Variants in ASPH observed in about 807,000 individuals in gnomAD.
ASPH encodes the protein aspartyl/asparaginyl beta-hydroxylase.
Under a neutral mutation model 118.4 loss-of-function variants are expected in ASPH, and 100 were observed. The ratio of observed to expected loss-of-function variants is 0.84; its 90% CI spans 0.72 to 1.00. The LOEUF (loss-of-function observed/expected upper bound fraction) is 1.00, where lower values mean the gene tolerates loss of function less well. Among genes scored for constraint, ASPH ranks in the 50% least tolerant of loss-of-function variants. The pLI, the probability that ASPH is intolerant of heterozygous loss-of-function variation, is 0.00. For missense variants in ASPH, 920 were observed against 919.5 expected, an observed-to-expected ratio of 1.00 and a Z score of -0.01; for synonymous variants, 315 against 325.6, an observed-to-expected ratio of 0.97 and a Z score of 0.35.
intron 24 of ASPH, among the ~76,000 whole-genome samples, chr8:61,512,805 T>G (rs1206772716): frequency 6.6e-6 from 1 of 152,182 alleles, no homozygotes; most frequent in African/African-American, 2.4e-5. Flanking sequence ...ACAATGTATA[T>G]TATTACTATC....
intron 13 of ASPH, chr8:61,624,588 A>T: frequency 1.0e-6 from 1 of 984,338 alleles, no homozygotes; most frequent in Non-Finnish European, 1.2e-6. Context: ...AGACATTTAC[A>T]TTATTTTTAG....
At chr8:61,608,083 C>T (rs1215884310) in intron 14 of ASPH, among the ~76,000 whole-genome samples, 1 of 152,150 alleles carries the variant, frequency 6.6e-6, no homozygotes, top group Non-Finnish European at 1.5e-5. Flanking sequence ...AAAGGCTCAC[C>T]TTTCTTCTAG....
intron 21 of ASPH, among the ~76,000 whole-genome samples, chr8:61,533,104 C>CTT (rs71559337): frequency 2.7e-4 from 38 of 141,860 alleles, no homozygotes; most frequent in South Asian, 4.5e-4. Context: ...ATTTCTTCTT[C>CTT]TTTTTTTTTT....
intron 21 of ASPH, among the ~76,000 whole-genome samples, chr8:61,527,619 A>AT (rs1165592305): frequency 6.6e-6 from 1 of 152,202 alleles, no homozygotes; most frequent in Non-Finnish European, 1.5e-5. Context: ...GGAGAACTTT[A>AT]TTTTTCAAAA....
At chr8:61,580,697 C>T (rs549504355) in intron 15 of ASPH, among the ~76,000 whole-genome samples, 2 of 152,272 alleles carry the variant, frequency 1.3e-5, no homozygotes, top group South Asian at 4.1e-4. Flanking sequence ...CTCCAATATC[C>T]AATTCTGTCT....
chr8:61,698,980 C>T (rs56225427), intron 1 of ASPH, among the ~76,000 whole-genome samples: 26,209 of 152,128 alleles, frequency 0.17, 2,222 homozygotes, highest in South Asian at 0.22. Flanking sequence ...GTGGGGTCTC[C>T]AGATCCCAGG....
chr8:61,578,286 C>T (rs7831668), intron 15 of ASPH: 1,366,908 of 1,582,196 alleles, frequency 0.86, 592,625 homozygotes, highest in African/African-American at 0.91. Context: ...CTTCAGCAGC[C>T]GCTCCTACAC....
At chr8:61,694,628 TTA>T (rs1252510506) in intron 1 of ASPH, among the ~76,000 whole-genome samples, 5 of 152,198 alleles carry the variant, frequency 3.3e-5, no homozygotes, top group Admixed American at 2.6e-4. Flanking sequence ...TAACACCTCT[TTA>T]AACTTCGTAG....
chr8:61,663,896 T>A, intron 3 of ASPH: 1 of 933,220 alleles, frequency 1.1e-6, no homozygotes, highest in Non-Finnish European at 1.3e-6. Context: ...TTTAGAAATA[T>A]TTACACTTAA....
intron 21 of ASPH, among the ~76,000 whole-genome samples, chr8:61,535,829 G>A (rs6988206): frequency 0.022 from 3,379 of 152,166 alleles, 51 homozygotes; most frequent in South Asian, 0.065. Flanking sequence ...AGGATGGCGG[G>A]GATCCCCCTG....
chr8:61,612,598 G>A (rs1035772158), intron 14 of ASPH, among the ~76,000 whole-genome samples: 5 of 151,840 alleles, frequency 3.3e-5, no homozygotes, highest in African/African-American at 7.3e-5. Context: ...TCTTGAACTC[G>A]TGACCTCAGG....
intron 21 of ASPH, among the ~76,000 whole-genome samples, chr8:61,531,009 C>T (rs1202959453): frequency 5.3e-5 from 8 of 152,168 alleles, no homozygotes; most frequent in African/African-American, 1.7e-4. Context: ...TGCAAATTCA[C>T]ATTCAGGTTT....
At chr8:61,649,816 G>C in intron 5 of ASPH, among the ~76,000 whole-genome samples, 1 of 152,118 alleles carries the variant, frequency 6.6e-6, no homozygotes, top group Non-Finnish European at 1.5e-5. Flanking sequence ...TCATGCTACA[G>C]ACAGAAGGCA....
At chr8:61,708,332 G>C (rs1229327674) in intron 1 of ASPH, among the ~76,000 whole-genome samples, 1 of 152,166 alleles carries the variant, frequency 6.6e-6, no homozygotes, top group African/African-American at 2.4e-5. Context: ...AAATTGACTT[G>C]ATTCAAAGAA....
chr8:61,552,464 G>T (rs930971480), intron 20 of ASPH, among the ~76,000 whole-genome samples: 7 of 152,148 alleles, frequency 4.6e-5, no homozygotes, highest in African/African-American at 1.7e-4. Context: ...TCACCACAAT[G>T]TTCGTCTTAA....
rs111554365 is a variant in ASPH at position 61,578,287 on chromosome 8, G to A, written c.1063-1429C>T. The A allele has an allele frequency of 5.7e-6, 9 of 1,589,074 alleles. No individual in the cohort carries two copies. The South Asian group carries it at 6.7e-5, about 12-fold the overall frequency. On this transcript the variant is annotated intron_variant, in intron 15 of 24. Coordinates refer to ENST00000379454, the MANE Select transcript of ASPH (RefSeq NM_004318.4). Reference sequence around the variant, plus strand: ...TCTGGCCCCCGGGCCTTCAGCAGCCGCTCCTACACGAGTGGGCCCGGTGCC... The same window carrying A: ...TCTGGCCCCCGGGCCTTCAGCAGCCACTCCTACACGAGTGGGCCCGGTGCC...
At chr8:61,586,596 G>A (rs984453097) in intron 14 of ASPH, among the ~76,000 whole-genome samples, 1 of 152,152 alleles carries the variant, frequency 6.6e-6, no homozygotes, top group Admixed American at 6.5e-5. Context: ...ACTATACATA[G>A]ATACCTTTTA....
intron 3 of ASPH, among the ~76,000 whole-genome samples, chr8:61,679,230 T>G (rs566806993): frequency 1.6e-4 from 24 of 152,294 alleles, no homozygotes; most frequent in African/African-American, 5.8e-4. Flanking sequence ...CTGATCTGTC[T>G]TTATGCATTT....
intron 15 of ASPH, 49 bp from the exon 16 acceptor site, chr8:61,576,907 TC>T (rs1353364494): frequency 1.6e-5 from 23 of 1,434,556 alleles, no homozygotes; most frequent in Non-Finnish European, 2.2e-5. Flanking sequence ...AAATGAATAA[TC>T]AATCAATATT....
Sources: allele counts gnomAD v4.1 joint callset (sites outside exome capture counted in the v4.1 genomes callset), GRCh38; gene constraint gnomAD v4.1.1; transcripts MANE v1.5; gene names NCBI Gene and HGNC (gene_info 2026-07-23, HGNC 2026-07-21).